The following PDCD2L variants were observed in gnomAD, a reference collection of about 807,000 sequenced individuals.
The protein encoded by PDCD2L is uS5 assembly chaperone PDCD2L.
PDCD2L carries 44 observed loss-of-function variants against 40.4 expected under a neutral mutation model. That is an observed-to-expected ratio of 1.09 (90% CI 0.86 to 1.40). The LOEUF (loss-of-function observed/expected upper bound fraction) is 1.40, where lower values mean the gene tolerates loss of function less well. Ranked by LOEUF, PDCD2L falls within the 40% of genes most tolerant of loss-of-function variation. The probability of loss-of-function intolerance (pLI) is 0.00; values close to 1 mark genes in which losing one functional copy is unlikely to be tolerated. For missense variants in PDCD2L, 470 were observed against 453.7 expected (o/e 1.04, Z -0.33); for synonymous variants, 194 against 174.6 (o/e 1.11, Z -0.88).
chr19:34,417,539 C>T (rs1178764250), intron 5 of PDCD2L, among the ~76,000 whole-genome samples: 3 of 150,474 alleles, frequency 2.0e-5, no homozygotes, highest in African/African-American at 7.4e-5. Context: ...ACCTGGCAGG[C>T]GGAGGTTGCA....
At chr19:34,406,392 T>TC (rs973589910) in intron 3 of PDCD2L, among the ~76,000 whole-genome samples, 8 of 151,726 alleles carry the variant, frequency 5.3e-5, no homozygotes, top group African/African-American at 1.9e-4. Context: ...ACTCTTATTT[T>TC]TTTTTTTTTT....
intron 6 of PDCD2L, among the ~76,000 whole-genome samples, chr19:34,422,763 T>G (rs552267153): frequency 1.1e-4 from 17 of 152,102 alleles, no homozygotes; most frequent in Non-Finnish European, 1.8e-4. Flanking sequence ...TCGCCCAGGC[T>G]GGAGTGCAGT....
In PDCD2L at chr19:34,418,138, A is replaced by G. The variant is rs139208019; in HGVS notation, c.798-3381A>G. Among the ~76,000 whole-genome samples, 22 of 152,342 alleles carry G rather than the reference A, an allele frequency of 1.4e-4. No homozygotes were observed. The East Asian group carries it at 3.3e-3, about 23-fold the overall frequency. Reference sequence around the variant, plus strand: ...TTTTCAGCAGCTTTATTGAGATACAATTGACATACAACAGACTGCGTATAT... The same window carrying G: ...TTTTCAGCAGCTTTATTGAGATACAGTTGACATACAACAGACTGCGTATAT... On this transcript the variant is annotated intron_variant, in intron 5 of 6. Transcript: ENST00000246535.
intron 3 of PDCD2L, among the ~76,000 whole-genome samples, chr19:34,406,420 C>T (rs546493588): frequency 1.3e-5 from 2 of 150,034 alleles, no homozygotes; most frequent in Non-Finnish European, 3.0e-5. Context: ...GAGTCTTGCT[C>T]TGTTGCCCAG....
At chr19:34,422,750 C>G (rs2075158033) in intron 6 of PDCD2L, among the ~76,000 whole-genome samples, 1 of 150,266 alleles carries the variant, frequency 6.7e-6, no homozygotes, top group Admixed American at 6.6e-5. Context: ...GAGTCTTGCT[C>G]TGTCGCCCAG....
At chr19:34,425,726 C>G (rs1441932730) in intron 6 of PDCD2L, among the ~76,000 whole-genome samples, 3 of 152,084 alleles carry the variant, frequency 2.0e-5, no homozygotes, top group East Asian at 3.8e-4. Context: ...CATCAGATAG[C>G]TAGACAGTTA....
Position 34,404,503 on chromosome 19 carries a change from G to C in PDCD2L, c.73G>C (p.Gly25Arg), listed in dbSNP as rs1176480772. Residue 25 changes from glycine to arginine, a missense_variant, in exon 1 of 7, where the codon GGT becomes CGT. By Grantham distance (125) the Gly-to-Arg change is moderately radical (BLOSUM62 -2). Coordinates refer to ENST00000246535, the MANE Select transcript of PDCD2L (RefSeq NM_032346.2). Reference sequence around the variant, plus strand: ...GGTGCACGGCAGCCCCACAGGGCCGGGTGCCTGGACTGCTAGCAAGCTGGG... The same window carrying C: ...GGTGCACGGCAGCCCCACAGGGCCGCGTGCCTGGACTGCTAGCAAGCTGGG... ...APVHGSPTGP[G>R]AWTASKLGGI... 4 of 1,542,916 alleles carry C rather than the reference G, an allele frequency of 2.6e-6. No individual in the cohort carries two copies. In the East Asian group the frequency reaches 9.8e-5, roughly 38 times the overall value.
Position 34,404,965 on chromosome 19 carries a change from C to A in PDCD2L, c.311C>A (p.Pro104Gln). ...TTCCGCTCCCAGTGCCTGCAGGTGCCAGAGAGAGAGGCGCAGGACGCTCAG... is the reference window on the plus strand; with the variant it reads ...TTCCGCTCCCAGTGCCTGCAGGTGCAAGAGAGAGAGGCGCAGGACGCTCAG... Reference protein sequence around the residue: ...KVFRSQCLQVPEREAQDAQKQ... With the variant: ...KVFRSQCLQVQEREAQDAQKQ... Residue 104 changes from proline (P) to glutamine (Q), a missense_variant, in exon 3 of 7, where the codon CCA (proline) becomes CAA (glutamine). Pro to Gln is a moderately conservative substitution (Grantham distance 76). Coordinates refer to ENST00000246535, the MANE Select transcript of PDCD2L (RefSeq NM_032346.2). The A allele has an allele frequency of 6.2e-7, 1 of 1,614,076 alleles. No individual in the cohort carries two copies. Among genetic ancestry groups the A allele is most frequent in the African/African-American group, 1.3e-5 (1 of 74,996 alleles).
At chr19:34,405,020 T>C (rs764041164) in intron 3 of PDCD2L, 30 bp downstream of exon 3, 5 of 1,612,354 alleles carry the variant, frequency 3.1e-6, no homozygotes, top group Non-Finnish European at 4.2e-6. Flanking sequence ...TGTTATTGTT[T>C]TTCTGTCATT....
intron 6 of PDCD2L, 104 bp downstream of exon 6, chr19:34,421,771 A>G: frequency 1.4e-6 from 2 of 1,384,702 alleles, no homozygotes; most frequent in Admixed American, 2.3e-5. Flanking sequence ...CAAATTACAG[A>G]AAATTTGGGA....
intron 5 of PDCD2L, among the ~76,000 whole-genome samples, chr19:34,415,592 AATGGTCTTTTTCCCCG>A (rs1385290236): frequency 3.3e-5 from 5 of 152,180 alleles, no homozygotes; most frequent in African/African-American, 1.2e-4. Flanking sequence ...AATTAGCTCA[AATGGTCTTTTTCCCCG>A]ATACCTACCA....
In PDCD2L at chr19:34,421,655, A is replaced by G. The variant is rs1243109420; in HGVS notation, c.934A>G (p.Ser312Gly). ...GCCAGCACTGGTCAGCATGCTCAAG[A>G]GTGCTAATTTAGGTGAGAAGCCCTT... ...LMPALVSMLK[S>G]ANLGLSVEFG... is the part of the protein sequence containing the mutation. The change falls in exon 6 of 7, where the codon AGT becomes GGT. Residue 312 changes from serine to glycine, a missense_variant. Transcript: ENST00000246535. The G allele has an allele frequency of 9.3e-6, 15 of 1,612,486 alleles. No individual in the cohort carries two copies. Among genetic ancestry groups the G allele is most frequent in the Non-Finnish European group, 1.3e-5 (15 of 1,179,322 alleles).
intron 3 of PDCD2L, 130 bp downstream of exon 3, chr19:34,405,120 C>T (rs981991165): frequency 8.2e-6 from 6 of 733,558 alleles, no homozygotes; most frequent in Non-Finnish European, 1.3e-5. Context: ...TTCTGAAGAA[C>T]CATAAAATGC....
rs140108926 is a variant in PDCD2L, at chr19:34,404,746, C to G, written c.206C>G (p.Ser69Cys). The change falls in exon 2 of 7, where the codon TCC (serine) becomes TGC (cysteine). Residue 69 changes from serine to cysteine, a missense_variant. By Grantham distance (112) the Ser-to-Cys change is moderately radical (BLOSUM62 -1). Transcript: ENST00000246535. ...VVQVYCPLEG[S>C]PFHRLLHVFA... ...CAGGTGTATTGCCCGCTGGAAGGCTCCCCGTTTCACCGTCTGCTGCACGTG... is the reference window on the plus strand; with the variant it reads ...CAGGTGTATTGCCCGCTGGAAGGCTGCCCGTTTCACCGTCTGCTGCACGTG... 1 of 1,611,798 alleles carries G rather than the reference C, an allele frequency of 6.2e-7. No individual in the cohort carries two copies. The highest frequency in any genetic ancestry group is 1.1e-5 in the South Asian group (1 of 90,986).
intron 5 of PDCD2L, among the ~76,000 whole-genome samples, chr19:34,414,266 C>T (rs2075117362): frequency 6.6e-6 from 1 of 151,726 alleles, no homozygotes; most frequent in African/African-American, 2.4e-5. Context: ...ACCTCCACCT[C>T]TTGGGTTTAA....
chr19:34,409,602 A>G, intron 4 of PDCD2L, 92 bp downstream of exon 4: 1 of 1,165,174 alleles, frequency 8.6e-7, no homozygotes, highest in South Asian at 1.5e-5. Flanking sequence ...ACCTGGGGAA[A>G]CTTTCAGGCA....
intron 2 of PDCD2L, 48 bp downstream of exon 2, chr19:34,404,863 G>C: frequency 6.2e-7 from 1 of 1,609,110 alleles, no homozygotes; most frequent in Non-Finnish European, 8.5e-7. Flanking sequence ...CTTTCCAGCG[G>C]GCTGGGGCGG....
intron 3 of PDCD2L, among the ~76,000 whole-genome samples, chr19:34,406,277 A>T (rs1160544934): frequency 6.6e-6 from 1 of 152,236 alleles, no homozygotes; most frequent in Non-Finnish European, 1.5e-5. Context: ...CATGAATATC[A>T]TGTGGAATAA....
intron 3 of PDCD2L, among the ~76,000 whole-genome samples, chr19:34,408,274 T>G (rs1322148878): frequency 6.6e-6 from 1 of 152,106 alleles, no homozygotes; most frequent in Non-Finnish European, 1.5e-5. Flanking sequence ...TTGAAGACAG[T>G]GGTGTTTGCC....
Sources: allele counts gnomAD v4.1 joint callset (sites outside exome capture counted in the v4.1 genomes callset), GRCh38; gene constraint gnomAD v4.1.1; transcripts MANE v1.5; gene names NCBI Gene and HGNC (gene_info 2026-07-23, HGNC 2026-07-21).